SHQ1: variants seen among roughly 807,000 people sequenced by gnomAD.
The protein encoded by SHQ1 is protein SHQ1 homolog.
In SHQ1, 49 loss-of-function variants were observed where a neutral mutation model predicts 53.8. The observed-to-expected ratio is 0.91, with a 90% CI of 0.72 to 1.16. SHQ1 has a LOEUF of 1.16. Among genes scored for constraint, SHQ1 ranks in the 50% most tolerant of loss-of-function variants. SHQ1 has a pLI of 0.00. For missense variants in SHQ1, 738 were observed against 683.1 expected (o/e 1.08, Z -0.90); for synonymous variants, 243 against 251.0 (o/e 0.97, Z 0.30).
At chr3:72,754,403 T>C (rs560386374) in intron 10 of SHQ1, among the ~76,000 whole-genome samples, 3 of 150,672 alleles carry the variant, frequency 2.0e-5, no homozygotes, top group Non-Finnish European at 4.4e-5. Flanking sequence ...TTTTTTGAGA[T>C]GGATTTTCAC....
Position 72,842,260 on chromosome 3 carries a change from C to T in SHQ1, c.331+20G>A, listed in dbSNP as rs761051496. On this transcript the variant is annotated intron_variant, in intron 3 of 10. Coordinates refer to ENST00000325599, the MANE Select transcript of SHQ1 (RefSeq NM_018130.3). ...ATATTTCTATTTATCCTAATTTCCT[C>T]CCAACTGTAATAAACATACCTATTT... 132 of 1,610,320 alleles carry T rather than the reference C, an allele frequency of 8.2e-5. No homozygotes were observed. Among genetic ancestry groups the T allele is most frequent in the Non-Finnish European group, 1.1e-4 (130 of 1,178,004 alleles).
At chr3:72,839,210 G>GT (rs1559699578) in intron 4 of SHQ1, among the ~76,000 whole-genome samples, 1 of 152,144 alleles carries the variant, frequency 6.6e-6, no homozygotes, top group Non-Finnish European at 1.5e-5. Context: ...CATGTACAGC[G>GT]TTAGATTGGC....
In SHQ1 at chr3:72,848,356, A is replaced by T. The variant is rs574422661; in HGVS notation, c.-16T>A. ...GGGTCAGCATCGCCGCACCGGACGC[A>T]AGGGCCGGCGCCGCTCGCTCTCACT... On this transcript the variant is annotated 5_prime_UTR_variant, in exon 1 of 11. Coordinates refer to ENST00000325599, the MANE Select transcript of SHQ1 (RefSeq NM_018130.3). 1 of 1,613,054 alleles carries T rather than the reference A, an allele frequency of 6.2e-7. No individual in the cohort carries two copies. The highest frequency in any genetic ancestry group is 8.5e-7 in the Non-Finnish European group (1 of 1,179,542).
chr3:72,750,917 A>G, intron 10 of SHQ1, 81 bp from the exon 11 acceptor site: 1 of 1,163,840 alleles, frequency 8.6e-7, no homozygotes, highest in Non-Finnish European at 1.2e-6. Context: ...TTCCAAAAAA[A>G]TAAAGTTGAA....
At chr3:72,836,442 T>A (rs1211599918) in intron 4 of SHQ1, among the ~76,000 whole-genome samples, 1 of 151,498 alleles carries the variant, frequency 6.6e-6, no homozygotes, top group East Asian at 1.9e-4. Flanking sequence ...TGAGCTGAGA[T>A]CACGCCACTG....
At chr3:72,793,231 G>A (rs1409239428) in intron 9 of SHQ1, 195 bp from the exon 10 acceptor site, 1 of 445,726 alleles carries the variant, frequency 2.2e-6, no homozygotes, top group African/African-American at 2.1e-5. Flanking sequence ...TCTTTGGCCA[G>A]GCACAGTGGC....
chr3:72,738,023 C>T, the SHQ1 span, among the ~76,000 whole-genome samples: 1 of 152,204 alleles, frequency 6.6e-6, no homozygotes, highest in African/African-American at 2.4e-5. Flanking sequence ...TCTGCTAACC[C>T]TCCCGTGTTC....
intron 10 of SHQ1, among the ~76,000 whole-genome samples, chr3:72,763,062 C>CACACTG (rs1315245242): frequency 1.7e-4 from 13 of 76,200 alleles, no homozygotes; most frequent in African/African-American, 5.0e-4. Flanking sequence ...CACACACACA[C>CACACTG]AGAGAGAGAG....
intron 5 of SHQ1, among the ~76,000 whole-genome samples, chr3:72,828,617 C>A: frequency 6.7e-6 from 1 of 149,414 alleles, no homozygotes; most frequent in Non-Finnish European, 1.5e-5. Context: ...TGACTTGAAC[C>A]CCGGGAGGCA....
At chr3:72,747,805 T>C (rs531745498), downstream of SHQ1, among the ~76,000 whole-genome samples, 16 of 152,078 alleles carry the variant, frequency 1.1e-4, no homozygotes, top group Admixed American at 5.2e-4. Flanking sequence ...CTGGCCAACA[T>C]GGCGAAAACC....
At chr3:72,779,458 T>C (rs1706028643) in intron 10 of SHQ1, among the ~76,000 whole-genome samples, 1 of 152,170 alleles carries the variant, frequency 6.6e-6, no homozygotes, top group South Asian at 2.1e-4. Context: ...TCTTTTCTTT[T>C]GCACCACTTT....
At chr3:72,734,831 G>A in the SHQ1 span, among the ~76,000 whole-genome samples, 3 of 151,634 alleles carry the variant, frequency 2.0e-5, no homozygotes, top group African/African-American at 7.3e-5. Context: ...AACTCTTACT[G>A]TCATGCCTTT....
intron 9 of SHQ1, among the ~76,000 whole-genome samples, chr3:72,801,416 T>G (rs1004888826): frequency 1.3e-5 from 2 of 152,206 alleles, no homozygotes; most frequent in African/African-American, 4.8e-5. Flanking sequence ...GTTCTAATTC[T>G]TTGAAATTAG....
chr3:72,755,232 T>C (rs1705474966), intron 10 of SHQ1, among the ~76,000 whole-genome samples: 1 of 152,098 alleles, frequency 6.6e-6, no homozygotes, highest in Non-Finnish European at 1.5e-5. Flanking sequence ...TACCAGGTTA[T>C]ACAATAAGTT....
rs374020257 is a variant in SHQ1, at chr3:72,810,194, C to CTT, written c.1060+2475_1060+2476dup. Among the ~76,000 whole-genome samples the CTT allele has an allele frequency of 2.7e-3, 412 of 152,222 alleles. 2 individuals are homozygous for CTT. The highest frequency in any genetic ancestry group is 9.6e-3 in the African/African-American group (398 of 41,514). On this transcript the variant is annotated intron_variant, in intron 9 of 10. Transcript: ENST00000325599. ...TGACTGATCCAAGGAGAGCAAGGTC[C>CTT]TTTGTTAAGCACTAAAACAGTACTT...
At chr3:72,750,904 A>G (rs576319149) in intron 10 of SHQ1, 68 bp from the exon 11 acceptor site, 382 of 1,319,200 alleles carry the variant, frequency 2.9e-4, no homozygotes, top group African/African-American at 3.6e-4. Flanking sequence ...CAGGTTATAC[A>G]GCTTCCAAAA....
chr3:72,753,602 T>G, intron 10 of SHQ1: 1 of 985,316 alleles, frequency 1.0e-6, no homozygotes, highest in Non-Finnish European at 1.2e-6. Context: ...CGTTGATGGG[T>G]AGCTTTCTCT....
chr3:72,744,921 A>G (rs1705229061), downstream of SHQ1, among the ~76,000 whole-genome samples: 1 of 73,798 alleles, frequency 1.4e-5, no homozygotes. Flanking sequence ...CATTTGATAC[A>G]TTGGGGGGGG....
intron 10 of SHQ1, chr3:72,753,311 T>A: frequency 1.0e-6 from 1 of 985,404 alleles, no homozygotes. Context: ...GTATAGTCCA[T>A]CCCATAATAT....
Sources: allele counts gnomAD v4.1 joint callset (sites outside exome capture counted in the v4.1 genomes callset), GRCh38; gene constraint gnomAD v4.1.1; transcripts MANE v1.5; gene names NCBI Gene and HGNC (gene_info 2026-07-23, HGNC 2026-07-21).